DGKG: variants seen among roughly 807,000 people sequenced by gnomAD.
The protein encoded by DGKG is DAG kinase gamma.
DGKG carries 78 observed loss-of-function variants against 105.3 expected under a neutral mutation model. The observed-to-expected ratio is 0.74, with a 90% confidence interval of 0.62 to 0.89. The LOEUF is 0.89. Among genes scored for constraint, DGKG ranks in the 40% least tolerant of loss-of-function variants. The pLI is 0.00. For missense variants in DGKG, 958 were observed against 1,020.1 expected (o/e 0.94, Z 0.83); for synonymous variants, 346 against 367.1 (o/e 0.94, Z 0.66).
intron 22 of DGKG, among the ~76,000 whole-genome samples, chr3:186,186,165 A>G (rs1391255889): frequency 6.6e-6 from 1 of 151,516 alleles, no homozygotes; most frequent in African/African-American, 2.4e-5. Flanking sequence ...AGGTGTGGAG[A>G]TGATGTTTCC....
At chr3:186,256,803 G>A (rs1421807200) in intron 17 of DGKG, among the ~76,000 whole-genome samples, 1 of 152,128 alleles carries the variant, frequency 6.6e-6, no homozygotes, top group Non-Finnish European at 1.5e-5. Context: ...CCCTTCCTCA[G>A]GTATCCACTT....
intron 1 of DGKG, among the ~76,000 whole-genome samples, chr3:186,354,013 G>A (rs1726782804): frequency 6.6e-6 from 1 of 152,126 alleles, no homozygotes; most frequent in Non-Finnish European, 1.5e-5. Context: ...CATGAGAAAA[G>A]GGAAGAGACT....
chr3:186,293,247 C>T (rs1723392442), intron 5 of DGKG, among the ~76,000 whole-genome samples: 1 of 152,142 alleles, frequency 6.6e-6, no homozygotes, highest in South Asian at 2.1e-4. Context: ...GTTTCGCTGC[C>T]CTAAAAATCC....
chr3:186,326,265 G>A (rs1725336657), intron 1 of DGKG, among the ~76,000 whole-genome samples: 1 of 152,060 alleles, frequency 6.6e-6, no homozygotes, highest in South Asian at 2.1e-4. Flanking sequence ...GGTGGTACAT[G>A]CCTGTAGTCC....
chr3:186,348,449 A>AT (rs1350593815), intron 1 of DGKG, among the ~76,000 whole-genome samples: 1 of 112,360 alleles, frequency 8.9e-6, no homozygotes, highest in African/African-American at 4.3e-5. Flanking sequence ...CTGGCTCATA[A>AT]TCTTTTTTTT....
intron 16 of DGKG, 109 bp from the exon 17 acceptor site, chr3:186,258,048 G>T: frequency 1.3e-6 from 1 of 798,438 alleles, no homozygotes; most frequent in East Asian, 2.6e-5. Flanking sequence ...TTAAGACCTC[G>T]ATTCCTTTTG....
chr3:186,287,605 G>A (rs1723129404), intron 6 of DGKG, among the ~76,000 whole-genome samples: 1 of 152,204 alleles, frequency 6.6e-6, no homozygotes. Context: ...TACAATGCCT[G>A]AAACTCAAAA....
At chr3:186,258,042 G>A in intron 16 of DGKG, 103 bp from the exon 17 acceptor site, 1 of 836,046 alleles carries the variant, frequency 1.2e-6, no homozygotes, top group Non-Finnish European at 2.0e-6. Flanking sequence ...AGTATGTTAA[G>A]ACCTCGATTC....
At chr3:186,340,410 T>C (rs1578856379) in intron 1 of DGKG, among the ~76,000 whole-genome samples, 1 of 152,124 alleles carries the variant, frequency 6.6e-6, no homozygotes, top group African/African-American at 2.4e-5. Context: ...GTTTAATAAA[T>C]TACAACCCAA....
intron 1 of DGKG, among the ~76,000 whole-genome samples, chr3:186,346,714 G>T (rs912590211): frequency 9.5e-5 from 14 of 147,932 alleles, no homozygotes; most frequent in African/African-American, 3.5e-4. Flanking sequence ...GCCAGAACAA[G>T]TTCTACATTT....
At chr3:186,313,255 G>A (rs1724646386) in intron 2 of DGKG, among the ~76,000 whole-genome samples, 2 of 152,214 alleles carry the variant, frequency 1.3e-5, no homozygotes, top group African/African-American at 4.8e-5. Flanking sequence ...ATTTGAACAT[G>A]AGCCGAGGCT....
At chr3:186,158,911 A>G in intron 24 of DGKG, 1 of 883,166 alleles carries the variant, frequency 1.1e-6, no homozygotes, top group Non-Finnish European at 1.4e-6. Flanking sequence ...TGGAAAGGTT[A>G]GTTTGCCTAA....
intron 24 of DGKG, among the ~76,000 whole-genome samples, chr3:186,150,511 C>T (rs1040980637): frequency 6.6e-6 from 1 of 152,130 alleles, no homozygotes; most frequent in East Asian, 1.9e-4. Context: ...GGGACTCAAT[C>T]GACCCCTCTG....
At chr3:186,360,553 A>G (rs1459426933) in intron 1 of DGKG, among the ~76,000 whole-genome samples, 2 of 152,182 alleles carry the variant, frequency 1.3e-5, no homozygotes, top group Non-Finnish European at 2.9e-5. Context: ...CATGTTAGAC[A>G]CATGCCTGGA....
chr3:186,346,483 A>G (rs1726335834), intron 1 of DGKG, among the ~76,000 whole-genome samples: 1 of 151,772 alleles, frequency 6.6e-6, no homozygotes, highest in Admixed American at 6.6e-5. Context: ...TATATGTTTT[A>G]CTCTTTATTC....
chr3:186,265,235 C>G lies in DGKG; in HGVS notation c.1269+12G>C, dbSNP rs1377618360. 1.9e-6 allele frequency: 3 copies of G among 1,612,900 alleles called. No homozygotes were observed. Among genetic ancestry groups the G allele is most frequent in the Admixed American group, 3.3e-5 (2 of 60,032 alleles). On this transcript the variant is annotated intron_variant, in intron 14 of 24. Coordinates refer to ENST00000265022, the MANE Select transcript of DGKG (RefSeq NM_001346.3). ...TTAGAAGGTGCAATCGGATTTAGAG[C>G]TCATGAGGTACCTGCATGACAAGTT...
chr3:186,299,809 CTT>C (rs1444465751), intron 3 of DGKG, among the ~76,000 whole-genome samples: 6 of 97,466 alleles, frequency 6.2e-5, no homozygotes, highest in Admixed American at 1.1e-4. Flanking sequence ...TTCTTTCTTT[CTT>C]TCTTTCTTTC....
At chr3:186,239,993 C>T (rs1720604774) in intron 20 of DGKG, among the ~76,000 whole-genome samples, 1 of 151,086 alleles carries the variant, frequency 6.6e-6, no homozygotes. Flanking sequence ...ATATGTTGGC[C>T]TGCCTATTGA....
Position 186,153,786 on chromosome 3 carries a change from G to A in DGKG, c.2278-3598C>T, listed in dbSNP as rs545446643. The stretch of plus-strand genomic sequence containing the variant: ...AGTAAAATGGCCAATAACCTGAAGT[G>A]TGAACCCTTCCCAAACCATTTGAAA... On this transcript the variant is annotated intron_variant, in intron 24 of 24. Coordinates refer to ENST00000265022, the MANE Select transcript of DGKG (RefSeq NM_001346.3). 1.3e-3 allele frequency among the ~76,000 whole-genome samples: 192 copies of A among 152,282 alleles called. 2 individuals are homozygous for A. The highest frequency in any genetic ancestry group is 4.2e-3 in the African/African-American group (176 of 41,548).
Sources: gnomAD v4.1 joint callset for allele counts (sites outside exome capture counted in the v4.1 genomes callset) on GRCh38, gnomAD v4.1.1 for gene constraint, MANE v1.5 for transcripts, NCBI Gene and HGNC (gene_info 2026-07-23, HGNC 2026-07-21) for gene names.